The following EPHA5 variants were observed in gnomAD, a reference collection of about 807,000 sequenced individuals.
EPHA5 encodes the protein ephrin type-A receptor 5.
A neutral mutation model predicts 105.0 loss-of-function variants in EPHA5; 60 were observed. The ratio of observed to expected loss-of-function variants is 0.57; its 90% CI spans 0.46 to 0.71. The LOEUF (loss-of-function observed/expected upper bound fraction) is 0.71. Among genes scored for constraint, EPHA5 ranks in the 30% least tolerant of loss-of-function variants. EPHA5 has a pLI of 0.00. For synonymous variants in EPHA5, 513 were observed against 449.1 expected, an observed-to-expected ratio of 1.14 and a Z score of -1.80; for missense variants, 1,218 against 1,274.7, an observed-to-expected ratio of 0.96 and a Z score of 0.68.
At chr4:65,468,566 T>TTA (rs10578603) in intron 5 of EPHA5, among the ~76,000 whole-genome samples, 10 of 122,036 alleles carry the variant, frequency 8.2e-5, no homozygotes, top group South Asian at 2.4e-4. Context: ...ATATTATATA[T>TTA]TATATATATA....
At position 65,526,542 on chromosome 4, in the gene EPHA5, ATAGGTTTAGAATAT is replaced by A. The variant is rs1188838068; in HGVS notation, c.911-31013_911-31000del. On this transcript the variant is annotated intron_variant, in intron 3 of 16. Coordinates refer to ENST00000613740, the MANE Select transcript of EPHA5 (RefSeq NM_001281766.3). The stretch of plus-strand genomic sequence containing the variant: ...TGTTTTATCAGATATTTTTTATTTC[ATAGGTTTAGAATAT>A]TAGGGTGTAAAATAAGATAAGTTAA... 4.1e-4 allele frequency among the ~76,000 whole-genome samples: 63 copies of A among 151,842 alleles called. 1 individual carries two copies. Among genetic ancestry groups the A allele is most frequent in the Non-Finnish European group, 4.4e-5 (3 of 67,904 alleles).
intron 8 of EPHA5, among the ~76,000 whole-genome samples, chr4:65,396,904 T>A (rs1170925914): frequency 6.6e-6 from 1 of 151,928 alleles, no homozygotes; most frequent in South Asian, 2.1e-4. Flanking sequence ...TCTTTTACAA[T>A]AGGAATCAGA....
rs553321661 is a variant in EPHA5 at position 65,488,917 on chromosome 4, G to C, written c.1402+1460C>G. Among the ~76,000 whole-genome samples, 3 of 115,996 alleles carry C rather than the reference G, an allele frequency of 2.6e-5. No homozygotes were observed. The South Asian group carries it at 8.3e-4, about 32-fold the overall frequency. 76.1% of individuals were successfully genotyped at this position (115,996 alleles called of 152,430 possible). On this transcript the variant is annotated intron_variant, in intron 5 of 16. Coordinates refer to ENST00000613740, the MANE Select transcript of EPHA5 (RefSeq NM_001281766.3). ...TTTTTTTTTTTTGAGACGGAGTCTC[G>C]CTCTGTTGCCCAGGCTGGAGCTCAG... is the stretch of plus-strand genomic sequence containing the variant.
In EPHA5 at chr4:65,365,188, C is replaced by A. The variant is rs1717748951; in HGVS notation, c.2002G>T (p.Val668Phe). ...RVIGAGEFGE[V>F]CSGRLKLPGK... ...GGTAGTTTCAAACGTCCACTACAAA[C>A]TTCACCAAATTCACCTTGTGATAAA... Residue 668 changes from valine (V) to phenylalanine (F), a missense_variant, in exon 11 of 17, where the codon GTT becomes TTT. By Grantham distance (50) the Val-to-Phe change is conservative. This residue lies in a region of EPHA5 where 971 missense variants were observed against 1,013.5 expected (regional missense o/e 0.96). Transcript: ENST00000613740. 1.2e-6 allele frequency: 2 copies of A among 1,609,478 alleles called. No individual in the cohort carries two copies. Among genetic ancestry groups the A allele is most frequent in the East Asian group, 4.5e-5 (2 of 44,664 alleles).
At chr4:65,656,132 A>T (rs944471608) in intron 1 of EPHA5, among the ~76,000 whole-genome samples, 2 of 2,086 alleles carry the variant, frequency 9.6e-4, no homozygotes, top group East Asian at 0.05. Context: ...GCTGCTGCTT[A>T]AAAAAAAAAA....
chr4:65,343,429 G>T (rs1393308049), intron 14 of EPHA5, among the ~76,000 whole-genome samples: 2 of 152,228 alleles, frequency 1.3e-5, no homozygotes, highest in Middle Eastern at 3.4e-3. Context: ...TCTCCTCTGT[G>T]AGATTTAGAT....
chr4:65,392,127 A>G (rs772315188), intron 8 of EPHA5, among the ~76,000 whole-genome samples: 2 of 152,158 alleles, frequency 1.3e-5, no homozygotes, highest in Non-Finnish European at 2.9e-5. Context: ...TCTTCCTGGC[A>G]TCACTCTGCC....
At chr4:65,441,888 A>G (rs1726049791) in intron 5 of EPHA5, among the ~76,000 whole-genome samples, 1 of 152,162 alleles carries the variant, frequency 6.6e-6, no homozygotes. Flanking sequence ...TCTTTGTTGT[A>G]AGTGCATGCC....
At chr4:65,553,188 A>G (rs1738088326) in intron 3 of EPHA5, among the ~76,000 whole-genome samples, 1 of 152,122 alleles carries the variant, frequency 6.6e-6, no homozygotes, top group Admixed American at 6.6e-5. Flanking sequence ...ATCTCCTCCT[A>G]TGAAAATTTA....
At chr4:65,581,448 T>G (rs556373332) in intron 3 of EPHA5, among the ~76,000 whole-genome samples, 159 of 151,786 alleles carry the variant, frequency 1.0e-3, no homozygotes, top group Non-Finnish European at 2.0e-3. Context: ...AAGACTAACC[T>G]CCTGAAGTCC....
At chr4:65,544,300 T>G (rs1363458241) in intron 3 of EPHA5, among the ~76,000 whole-genome samples, 1 of 151,920 alleles carries the variant, frequency 6.6e-6, no homozygotes, top group Non-Finnish European at 1.5e-5. Flanking sequence ...ACCTACAGAA[T>G]GGGAGAAAAG....
intron 1 of EPHA5, among the ~76,000 whole-genome samples, chr4:65,667,811 T>C (rs1750082466): frequency 6.6e-6 from 1 of 152,134 alleles, no homozygotes; most frequent in Admixed American, 6.5e-5. Context: ...GAGAGAGGAC[T>C]TGAAATCTAA....
intron 2 of EPHA5, among the ~76,000 whole-genome samples, chr4:65,607,321 T>C (rs1224772574): frequency 6.6e-6 from 1 of 151,928 alleles, no homozygotes; most frequent in Admixed American, 6.6e-5. Context: ...AAGCCCCAAA[T>C]TGACAAATGA....
At chr4:65,568,988 A>AAT (rs1232959270) in intron 3 of EPHA5, among the ~76,000 whole-genome samples, 1 of 151,078 alleles carries the variant, frequency 6.6e-6, no homozygotes, top group East Asian at 1.9e-4. Flanking sequence ...AAAGCATAAT[A>AAT]ACAGAGAAAA....
chr4:65,561,076 T>C (rs1463661712), intron 3 of EPHA5, among the ~76,000 whole-genome samples: 1 of 151,962 alleles, frequency 6.6e-6, no homozygotes, highest in Non-Finnish European at 1.5e-5. Flanking sequence ...CAATTAAGTA[T>C]AGGAATTCAT....
rs752109599 is a variant in EPHA5 at position 65,574,641 on chromosome 4, C to CATATAT, written c.910+26999_910+27000insATATAT. On this transcript the variant is annotated intron_variant, in intron 3 of 16. Transcript: ENST00000613740. Reference sequence around the variant, plus strand: ...ATATATATATACACATATATATATACACATATATATACACATATATATATA... The same window carrying CATATAT: ...ATATATATATACACATATATATATACATATATACATATATATACACATATATATATA... 8.5e-5 allele frequency among the ~76,000 whole-genome samples: 6 copies of CATATAT among 70,296 alleles called. No homozygotes were observed. The South Asian group carries it at 1.3e-3, about 16-fold the overall frequency. 46.1% of individuals were successfully genotyped at this position (70,296 alleles called of 152,430 possible).
At chr4:65,604,631 G>A (rs779114409) in intron 2 of EPHA5, among the ~76,000 whole-genome samples, 33 of 151,826 alleles carry the variant, frequency 2.2e-4, no homozygotes, top group Non-Finnish European at 2.8e-4. Flanking sequence ...TTTATTTTAG[G>A]CTGGCTCTCT....
At chr4:65,543,595 G>A (rs542946728) in intron 3 of EPHA5, among the ~76,000 whole-genome samples, 4 of 151,688 alleles carry the variant, frequency 2.6e-5, no homozygotes, top group Non-Finnish European at 4.4e-5. Context: ...AATGGAAAAC[G>A]TTCCATTCTC....
At chr4:65,360,114 C>T (rs1717132128) in intron 11 of EPHA5, among the ~76,000 whole-genome samples, 1 of 151,586 alleles carries the variant, frequency 6.6e-6, no homozygotes, top group African/African-American at 2.4e-5. Context: ...TTGTTCAAGC[C>T]TTATCTAAGT....
Sources: allele counts gnomAD v4.1 joint callset (sites outside exome capture counted in the v4.1 genomes callset), GRCh38; gene constraint gnomAD v4.1.1; regional missense constraint gnomAD v4.1.1; transcripts MANE v1.5; gene names NCBI Gene and HGNC (gene_info 2026-07-23, HGNC 2026-07-21).